LRRC4C: variants seen among roughly 807,000 people sequenced by gnomAD.
The protein encoded by LRRC4C is leucine-rich repeat-containing protein 4C.
A neutral mutation model predicts 33.6 loss-of-function variants in LRRC4C; 5 were observed. The ratio of observed to expected loss-of-function variants is 0.15; its 90% CI spans 0.08 to 0.31. The LOEUF (loss-of-function observed/expected upper bound fraction) is 0.31, where lower values mean the gene tolerates loss of function less well. Ranked by LOEUF, LRRC4C falls within the 10% of genes least tolerant of loss-of-function variation. The probability of loss-of-function intolerance (pLI) is 1.00; values close to 1 mark genes in which losing one functional copy is unlikely to be tolerated. For synonymous variants in LRRC4C, 329 were observed against 302.0 expected (o/e 1.09, Z -0.93); for missense variants, 560 against 796.7 (o/e 0.70, Z 3.58).
chr11:40,835,987 G>A (rs1952651609), intron 2 of LRRC4C, among the ~76,000 whole-genome samples: 1 of 152,044 alleles, frequency 6.6e-6, no homozygotes, highest in South Asian at 2.1e-4. Context: ...CATATTTATA[G>A]CATTTAATTT....
intron 3 of LRRC4C, among the ~76,000 whole-genome samples, chr11:40,552,967 C>T (rs1278486356): frequency 6.6e-6 from 1 of 151,934 alleles, no homozygotes; most frequent in African/African-American, 2.4e-5. Context: ...ATGCATATAC[C>T]TGCATATAAA....
intron 1 of LRRC4C, among the ~76,000 whole-genome samples, chr11:40,990,231 T>TGATATATA (rs1555030574): frequency 7.7e-5 from 6 of 78,226 alleles, no homozygotes; most frequent in African/African-American, 2.2e-4. Context: ...ATGTCAAGTT[T>TGATATATA]TATATATATA....
intron 1 of LRRC4C, among the ~76,000 whole-genome samples, chr11:41,167,586 C>A (rs975017180): frequency 1.3e-5 from 2 of 152,160 alleles, no homozygotes; most frequent in Non-Finnish European, 2.9e-5. Flanking sequence ...TTAATCAACT[C>A]CACAACTGGA....
chr11:40,969,538 A>C (rs1851580249), intron 1 of LRRC4C, among the ~76,000 whole-genome samples: 1 of 152,064 alleles, frequency 6.6e-6, no homozygotes, highest in Admixed American at 6.6e-5. Context: ...TCTTTTAAAA[A>C]ATTACCTTAG....
intron 2 of LRRC4C, among the ~76,000 whole-genome samples, chr11:40,683,647 T>C (rs1944810455): frequency 6.6e-6 from 1 of 152,206 alleles, no homozygotes; most frequent in South Asian, 2.1e-4. Flanking sequence ...GGTAAGGGGA[T>C]GAGGGAGGAA....
intron 2 of LRRC4C, among the ~76,000 whole-genome samples, chr11:40,756,183 G>C (rs1342720433): frequency 6.6e-6 from 1 of 151,924 alleles, no homozygotes; most frequent in African/African-American, 2.4e-5. Flanking sequence ...CTCTGATCTT[G>C]GACTTCCAGC....
chr11:41,290,722 G>C (rs1422257146), intron 1 of LRRC4C, among the ~76,000 whole-genome samples: 3 of 152,074 alleles, frequency 2.0e-5, no homozygotes. Context: ...TTAGATTCCT[G>C]CCATGAAGGG....
chr11:40,782,951 T>C (rs1950272706), intron 2 of LRRC4C, among the ~76,000 whole-genome samples: 1 of 152,138 alleles, frequency 6.6e-6, no homozygotes, highest in Non-Finnish European at 1.5e-5. Flanking sequence ...TTATATATAT[T>C]TATAAATTCA....
In LRRC4C at chr11:40,606,247, C is replaced by T. The variant is rs2135845914; in HGVS notation, c.-270+41895G>A. ...GGGATATAGGTCACTTATTGTAGCG[C>T]TAGAGAAGTTAGAGTACTGCAGACA... is the stretch of plus-strand genomic sequence containing the variant. On this transcript the variant is annotated intron_variant, in intron 3 of 6. Transcript: ENST00000528697. Among the ~76,000 whole-genome samples, 2 of 152,196 alleles carry T rather than the reference C, an allele frequency of 1.3e-5. 1 individual carries two copies. Among genetic ancestry groups the T allele is most frequent in the South Asian group, 4.1e-4 (2 of 4,828 alleles).
intron 1 of LRRC4C, among the ~76,000 whole-genome samples, chr11:41,193,747 G>A (rs1383828545): frequency 6.6e-6 from 1 of 152,006 alleles, no homozygotes; most frequent in African/African-American, 2.4e-5. Flanking sequence ...AGCAATGCCA[G>A]AAAACAAGTT....
chr11:40,487,882 T>C (rs1419057212), intron 3 of LRRC4C, among the ~76,000 whole-genome samples: 3 of 152,124 alleles, frequency 2.0e-5, no homozygotes, highest in African/African-American at 7.2e-5. Flanking sequence ...TTGATATATG[T>C]ACCACTTCTC....
At chr11:41,121,408 TTACTC>T (rs372485824) in intron 1 of LRRC4C, among the ~76,000 whole-genome samples, 1 of 152,154 alleles carries the variant, frequency 6.6e-6, no homozygotes, top group African/African-American at 2.4e-5. Flanking sequence ...AATAGCTACT[TTACTC>T]AGGCATTATG....
chr11:40,644,934 C>T (rs1340795419), intron 3 of LRRC4C, among the ~76,000 whole-genome samples: 2 of 147,654 alleles, frequency 1.4e-5, no homozygotes. Context: ...AACAGGCACT[C>T]GGGATCTCTG....
Position 40,371,930 on chromosome 11 carries a change from G to A in LRRC4C, c.-269-52209C>T, listed in dbSNP as rs561557653. Among the ~76,000 whole-genome samples, 59 of 152,214 alleles carry A rather than the reference G, an allele frequency of 3.9e-4. No homozygotes were observed. In the East Asian group the frequency reaches 7.5e-3, roughly 19 times the overall value. On this transcript the variant is annotated intron_variant, in intron 3 of 6. Coordinates refer to ENST00000528697, the MANE Select transcript of LRRC4C (RefSeq NM_001258419.2). ...GTATGTAGGTAGATAGGGCAGGAGC[G>A]GCTATGGGATGAAAAAACATACAGC... is the stretch of plus-strand genomic sequence containing the variant.
chr11:40,681,254 G>A lies in LRRC4C; in HGVS notation c.-406-32976C>T, dbSNP rs115439569. ...GCATTATTCAAAACAACCAGTACAA[G>A]AGTACATAAATACAGGTTGAATGTA... On this transcript the variant is annotated intron_variant, in intron 2 of 6. Coordinates refer to ENST00000528697, the MANE Select transcript of LRRC4C (RefSeq NM_001258419.2). Among the ~76,000 whole-genome samples the A allele has an allele frequency of 6.1e-3, 934 of 152,254 alleles. 7 individuals carry two copies. The highest frequency in any genetic ancestry group is 0.027 in the Middle Eastern group (8 of 294).
chr11:40,877,984 T>C (rs1253574954), intron 2 of LRRC4C, among the ~76,000 whole-genome samples: 1 of 152,196 alleles, frequency 6.6e-6, no homozygotes, highest in Non-Finnish European at 1.5e-5. Context: ...TTTTTGTTGG[T>C]AGTCCTAGAG....
chr11:41,295,737 G>C (rs1287453056), intron 1 of LRRC4C, among the ~76,000 whole-genome samples: 1 of 151,852 alleles, frequency 6.6e-6, no homozygotes, highest in Admixed American at 6.6e-5. Flanking sequence ...TTTCCAAGCT[G>C]CCTTTTTATT....
intron 2 of LRRC4C, among the ~76,000 whole-genome samples, chr11:40,780,553 A>G (rs919816319): frequency 6.6e-6 from 1 of 152,138 alleles, no homozygotes; most frequent in Non-Finnish European, 1.5e-5. Context: ...AAGAAAGATA[A>G]TAGAGCTACA....
chr11:40,527,085 A>G (rs914406168), intron 3 of LRRC4C, among the ~76,000 whole-genome samples: 18 of 152,184 alleles, frequency 1.2e-4, no homozygotes, highest in African/African-American at 4.3e-4. Context: ...TTATCCTGAT[A>G]GAGATCAATA....
Sources: gnomAD v4.1 joint callset for allele counts (sites outside exome capture counted in the v4.1 genomes callset) on GRCh38, gnomAD v4.1.1 for gene constraint, MANE v1.5 for transcripts, NCBI Gene and HGNC (gene_info 2026-07-23, HGNC 2026-07-21) for gene names.